The following PCDH7 variants were observed in gnomAD, a reference collection of about 807,000 sequenced individuals.
PCDH7 encodes protocadherin-7.
In PCDH7, 17 loss-of-function variants were observed where a neutral mutation model predicts 58.9. The ratio of observed to expected loss-of-function variants is 0.29; its 90% CI spans 0.20 to 0.43. PCDH7 has a LOEUF of 0.43. Among genes scored for constraint, PCDH7 ranks in the 20% least tolerant of loss-of-function variants. PCDH7 has a pLI of 1.00. For missense variants in PCDH7, 1,274 were observed against 1,441.0 expected (o/e 0.88, Z 1.88); for synonymous variants, 664 against 616.4 (o/e 1.08, Z -1.14).
chr4:30,867,776 A>G (rs1735057938), intron 1 of PCDH7, among the ~76,000 whole-genome samples: 2 of 152,096 alleles, frequency 1.3e-5, no homozygotes, highest in South Asian at 2.1e-4. Context: ...AGGGGAAAAT[A>G]GCATTCATTT....
chr4:30,859,449 T>C (rs1733912893), intron 1 of PCDH7, among the ~76,000 whole-genome samples: 1 of 149,940 alleles, frequency 6.7e-6, no homozygotes, highest in Non-Finnish European at 1.5e-5. Flanking sequence ...TTTTTTTTTC[T>C]TTTTTTTTGA....
At chr4:31,113,590 G>A (rs1170837746) in intron 3 of PCDH7, among the ~76,000 whole-genome samples, 2 of 151,940 alleles carry the variant, frequency 1.3e-5, no homozygotes, top group African/African-American at 2.4e-5. Context: ...ATAGTCTCAC[G>A]CTGCATAAAC....
At chr4:30,736,276 C>G (rs1158412485), downstream of PCDH7, among the ~76,000 whole-genome samples, 9 of 152,084 alleles carry the variant, frequency 5.9e-5, no homozygotes, top group Admixed American at 5.2e-4. Flanking sequence ...ATGTAAAGAG[C>G]TCTCCTACCC....
chr4:30,867,183 G>A (rs1734988217), intron 1 of PCDH7, among the ~76,000 whole-genome samples: 1 of 152,042 alleles, frequency 6.6e-6, no homozygotes, highest in Admixed American at 6.6e-5. Context: ...GTAAACCACA[G>A]ATGGAGAATT....
At position 31,110,787 on chromosome 4, in the gene PCDH7, C is replaced by A. The variant is rs553634524; in HGVS notation, c.*8-31686C>A. 1.1e-3 allele frequency among the ~76,000 whole-genome samples: 173 copies of A among 151,954 alleles called. 1 individual carries two copies. The highest frequency in any genetic ancestry group is 4.0e-3 in the African/African-American group (166 of 41,444). ...AAAATTAGCCGGGCATGGTGGCAGG[C>A]ACCTGTAGTCCCAGCTACTCGGGAG... is the stretch of plus-strand genomic sequence containing the variant. On this transcript the variant is annotated intron_variant, in intron 3 of 3. Coordinates refer to the PCDH7 transcript ENST00000509759.
chr4:30,940,081 G>T (rs1481122921), intron 2 of PCDH7, among the ~76,000 whole-genome samples: 2 of 151,640 alleles, frequency 1.3e-5, no homozygotes, highest in African/African-American at 4.8e-5. Flanking sequence ...GAGTAATGAT[G>T]TGGTAGGCAA....
intron 3 of PCDH7, among the ~76,000 whole-genome samples, chr4:31,058,179 A>G (rs1174793741): frequency 6.7e-6 from 1 of 148,868 alleles, no homozygotes; most frequent in Non-Finnish European, 1.5e-5. Flanking sequence ...AAATCCCTCA[A>G]CAAACAACAC....
At chr4:30,833,782 C>T (rs534949678) in intron 1 of PCDH7, among the ~76,000 whole-genome samples, 1 of 152,350 alleles carries the variant, frequency 6.6e-6, no homozygotes, top group African/African-American at 2.4e-5. Context: ...TGCGTTGTTA[C>T]ATGCACTATG....
chr4:30,969,131 G>A (rs1000990765), intron 3 of PCDH7, among the ~76,000 whole-genome samples: 6 of 152,128 alleles, frequency 3.9e-5, no homozygotes, highest in African/African-American at 1.2e-4. Context: ...GTTTTAGGCC[G>A]GAATGCAGAA....
intron 1 of PCDH7, among the ~76,000 whole-genome samples, chr4:30,902,444 C>T (rs532851803): frequency 6.6e-6 from 1 of 152,126 alleles, no homozygotes; most frequent in South Asian, 2.1e-4. Context: ...TTGTTCCTTC[C>T]CCCAGAATGA....
At chr4:30,730,200 A>T (rs951254944) in intron 1 of PCDH7, among the ~76,000 whole-genome samples, 1 of 151,990 alleles carries the variant, frequency 6.6e-6, no homozygotes, top group Admixed American at 6.6e-5. Flanking sequence ...CGATTTCTAG[A>T]CTATGGCAAG....
intron 3 of PCDH7, among the ~76,000 whole-genome samples, chr4:31,029,630 G>T (rs532067374): frequency 2.0e-5 from 3 of 152,122 alleles, no homozygotes; most frequent in Non-Finnish European, 4.4e-5. Context: ...GACATACTTG[G>T]GTTTGCACAT....
intron 3 of PCDH7, among the ~76,000 whole-genome samples, chr4:31,127,930 C>T: frequency 6.6e-6 from 1 of 151,720 alleles, no homozygotes; most frequent in East Asian, 1.9e-4. Flanking sequence ...GGCTTTCAAG[C>T]TTTTTCAGTG....
At chr4:31,057,456 A>G (rs541914202) in intron 3 of PCDH7, among the ~76,000 whole-genome samples, 1 of 152,292 alleles carries the variant, frequency 6.6e-6, no homozygotes, top group South Asian at 2.1e-4. Context: ...GGATTAGAGA[A>G]GAGATTAAAA....
At chr4:31,026,733 C>T (rs372230489) in intron 3 of PCDH7, among the ~76,000 whole-genome samples, 1 of 151,608 alleles carries the variant, frequency 6.6e-6, no homozygotes. Context: ...ATATGTTGCA[C>T]TATTTGGCTT....
chr4:31,142,195 T>C (rs1441342167), intron 3 of PCDH7, among the ~76,000 whole-genome samples: 1 of 152,278 alleles, frequency 6.6e-6, no homozygotes, highest in Non-Finnish European at 1.5e-5. Flanking sequence ...CATGTCCCTG[T>C]CCTGTAACAA....
intron 3 of PCDH7, among the ~76,000 whole-genome samples, chr4:31,138,738 A>G (rs535858442): frequency 6.6e-6 from 1 of 152,172 alleles, no homozygotes; most frequent in South Asian, 2.1e-4. Context: ...TTGGGAGGCC[A>G]AGGCAGGTGG....
intron 3 of PCDH7, among the ~76,000 whole-genome samples, chr4:31,031,954 C>T (rs979809446): frequency 5.3e-5 from 8 of 152,144 alleles, no homozygotes; most frequent in African/African-American, 1.4e-4. Flanking sequence ...ATAAGTAGTA[C>T]GTAATATCTA....
intron 3 of PCDH7, among the ~76,000 whole-genome samples, chr4:31,114,081 G>A (rs778607622): frequency 4.0e-5 from 6 of 151,898 alleles, no homozygotes; most frequent in Admixed American, 6.6e-5. Context: ...TGATCCACCC[G>A]CCTTGGCCTC....
Sources: allele counts gnomAD v4.1 joint callset (sites outside exome capture counted in the v4.1 genomes callset), GRCh38; gene constraint gnomAD v4.1.1; transcripts MANE v1.5; gene names NCBI Gene and HGNC (gene_info 2026-07-23, HGNC 2026-07-21).